The following PDE3A variants were observed in gnomAD, a reference collection of about 807,000 sequenced individuals.
PDE3A encodes cGMP-inhibited 3',5'-cyclic phosphodiesterase 3A.
PDE3A carries 43 observed loss-of-function variants against 98.3 expected under a neutral mutation model. The observed-to-expected ratio is 0.44, with a 90% CI of 0.34 to 0.56. The LOEUF is 0.56. PDE3A is among the 20% of genes least tolerant of loss of function. The pLI, the probability that PDE3A is intolerant of heterozygous loss-of-function variation, is 0.01. For synonymous variants in PDE3A, 663 were observed against 567.9 expected, an observed-to-expected ratio of 1.17 and a Z score of -2.38; for missense variants, 1,427 against 1,440.7, an observed-to-expected ratio of 0.99 and a Z score of 0.15.
chr12:20,579,322 G>A (rs773949173), intron 2 of PDE3A, among the ~76,000 whole-genome samples: 34 of 152,108 alleles, frequency 2.2e-4, no homozygotes, highest in South Asian at 6.2e-4. Context: ...TTTTAGCTCA[G>A]TGCCCTTCCC....
At position 20,684,238 on chromosome 12, in the gene PDE3A, C is replaced by T. The variant is rs538244119; in HGVS notation, c.*3967C>T. 6.6e-6 allele frequency: 1 copy of T among 152,182 alleles called. No individual in the cohort carries two copies. The highest frequency in any genetic ancestry group is 2.1e-4 in the South Asian group (1 of 4,818). 9.4% of individuals were successfully genotyped at this position (152,182 alleles called of 1,614,324 possible). A position where few individuals can be genotyped will look rare whatever the true frequency, so the allele number is the denominator to read the frequency against. On this transcript the variant is annotated 3_prime_UTR_variant, in exon 16 of 16. Transcript: ENST00000359062. ...TCAGTATCGGGCTCTCCATTGTCCT[C>T]ATCATTTATAGTACTTCTAAAATAA...
intron 1 of PDE3A, among the ~76,000 whole-genome samples, chr12:20,477,858 G>T (rs1945556471): frequency 6.6e-6 from 1 of 152,106 alleles, no homozygotes; most frequent in African/African-American, 2.4e-5. Flanking sequence ...AACAAAGAAT[G>T]GTGCTTGAAA....
At chr12:20,455,987 T>C (rs901282439) in intron 1 of PDE3A, among the ~76,000 whole-genome samples, 1 of 152,136 alleles carries the variant, frequency 6.6e-6, no homozygotes, top group Non-Finnish European at 1.5e-5. Context: ...CCACAATAGA[T>C]GGTATTTTTC....
intron 1 of PDE3A, among the ~76,000 whole-genome samples, chr12:20,526,361 A>G (rs1007143778): frequency 3.9e-5 from 6 of 152,212 alleles, no homozygotes; most frequent in Non-Finnish European, 7.3e-5. Flanking sequence ...AGATTGCATT[A>G]TATCATTTTG....
rs1321829099 is a variant in PDE3A at position 20,369,552 on chromosome 12, G to A, written c.268G>A (p.Glu90Lys). ...CCGCGGGGAGGTCGGCTGTGACCTGGAGCAGTGTAAGGAGGCGGCGGCGGC... is the reference window on the plus strand; with the variant it reads ...CCGCGGGGAGGTCGGCTGTGACCTGAAGCAGTGTAAGGAGGCGGCGGCGGC... ...LVRGEVGCDLEQCKEAAAAEE... is the reference protein window; with the variant it reads ...LVRGEVGCDLKQCKEAAAAEE... The change falls in exon 1 of 16, where the codon GAG (glutamate) becomes AAG (lysine). Residue 90 changes from glutamate (E) to lysine (K), a missense_variant. Coordinates refer to ENST00000359062, the MANE Select transcript of PDE3A (RefSeq NM_000921.5). 1.9e-6 allele frequency: 3 copies of A among 1,559,294 alleles called. No homozygotes were observed. The highest frequency in any genetic ancestry group is 2.4e-5 in the East Asian group (1 of 42,068).
intron 1 of PDE3A, among the ~76,000 whole-genome samples, chr12:20,501,371 A>G (rs571978305): frequency 4.1e-4 from 63 of 152,280 alleles, no homozygotes; most frequent in Middle Eastern, 3.4e-3. Flanking sequence ...GATTTTTTTT[A>G]TTGCCTGAAA....
rs532719475 is a variant in PDE3A, at chr12:20,514,733, G to T, written c.961-41927G>T. Among the ~76,000 whole-genome samples, 3 of 152,324 alleles carry T rather than the reference G, an allele frequency of 2.0e-5. No homozygotes were observed. The South Asian group carries it at 6.2e-4, about 32-fold the overall frequency. ...ATGCTAGAAAAAGTTGAGAGACAGT[G>T]AAGCATAATAGAAAGCACATGGTTT... On this transcript the variant is annotated intron_variant, in intron 1 of 15. Coordinates refer to ENST00000359062, the MANE Select transcript of PDE3A (RefSeq NM_000921.5).
intron 8 of PDE3A, 141 bp downstream of exon 8, chr12:20,635,197 G>A: frequency 1.5e-6 from 1 of 673,068 alleles, no homozygotes; most frequent in Middle Eastern, 2.8e-4. Flanking sequence ...GAAGCGGGCA[G>A]ATCACGAGGT....
chr12:20,664,579 A>G (rs937391109), intron 15 of PDE3A, among the ~76,000 whole-genome samples: 4 of 152,186 alleles, frequency 2.6e-5, no homozygotes, highest in African/African-American at 7.2e-5. Context: ...AATGGGAGAC[A>G]CTTGAATCAT....
intron 1 of PDE3A, among the ~76,000 whole-genome samples, chr12:20,412,836 C>T (rs1838447): frequency 0.62 from 93,869 of 151,994 alleles, 30,765 homozygotes; most frequent in East Asian, 0.89. Flanking sequence ...ACCAGCTTGG[C>T]CTTAATTTCC....
intron 1 of PDE3A, among the ~76,000 whole-genome samples, chr12:20,376,596 A>G (rs1442176395): frequency 6.6e-6 from 1 of 152,002 alleles, no homozygotes; most frequent in African/African-American, 2.4e-5. Context: ...AAACAAAAGT[A>G]TTTAGCAGTG....
intron 1 of PDE3A, among the ~76,000 whole-genome samples, chr12:20,386,144 T>TATATATAAAA (rs1943785786): frequency 1.5e-4 from 4 of 26,504 alleles, no homozygotes; most frequent in Non-Finnish European, 2.0e-4. Context: ...TATATATAAA[T>TATATATAAAA]ATATATATAA....
intron 1 of PDE3A, among the ~76,000 whole-genome samples, chr12:20,397,842 A>C (rs770965548): frequency 6.6e-6 from 1 of 152,154 alleles, no homozygotes; most frequent in Non-Finnish European, 1.5e-5. Flanking sequence ...GATGCTAACA[A>C]AACTAATTAT....
intron 2 of PDE3A, among the ~76,000 whole-genome samples, 169 bp from the exon 3 acceptor site, chr12:20,613,274 A>T (rs1455969180): frequency 6.6e-6 from 1 of 152,208 alleles, no homozygotes; most frequent in Non-Finnish European, 1.5e-5. Context: ...AAAGGGTGGC[A>T]GCTAGGGCAC....
chr12:20,490,875 C>T (rs963172285), intron 1 of PDE3A, among the ~76,000 whole-genome samples: 4 of 151,972 alleles, frequency 2.6e-5, no homozygotes, highest in African/African-American at 9.7e-5. Flanking sequence ...ATTTGGGAGG[C>T]CCAGGATCAC....
rs1945980204 is a variant in PDE3A, at chr12:20,686,914, CT to C, written c.*6644del. Among the ~76,000 whole-genome samples, 1 of 152,058 alleles carries C rather than the reference CT, an allele frequency of 6.6e-6. No individual in the cohort carries two copies. Among genetic ancestry groups the C allele is most frequent in the African/African-American group, 2.4e-5 (1 of 41,412 alleles). ...ATTTGCAGGGTATCCCAGGACACCC[CT>C]CAGTCTTTAATACAAACCAATTTAG... On this transcript the variant is annotated 3_prime_UTR_variant, in exon 16 of 16. Transcript: ENST00000359062.
At chr12:20,377,872 A>G (rs1394995384) in intron 1 of PDE3A, among the ~76,000 whole-genome samples, 1 of 151,698 alleles carries the variant, frequency 6.6e-6, no homozygotes, top group Non-Finnish European at 1.5e-5. Context: ...TGTAACAGGG[A>G]TTGCTTATGG....
intron 1 of PDE3A, among the ~76,000 whole-genome samples, chr12:20,436,752 G>GAGAGCA: frequency 1.3e-5 from 2 of 152,286 alleles, no homozygotes; most frequent in Middle Eastern, 6.8e-3. Context: ...GAGGGGAATT[G>GAGAGCA]AGAGCAAGGG....
At chr12:20,526,239 C>A (rs1185072274) in intron 1 of PDE3A, among the ~76,000 whole-genome samples, 1 of 152,066 alleles carries the variant, frequency 6.6e-6, no homozygotes, top group Admixed American at 6.5e-5. Flanking sequence ...TTATTTTTCT[C>A]TCTATTGATA....
Sources: allele counts gnomAD v4.1 joint callset (sites outside exome capture counted in the v4.1 genomes callset), GRCh38; gene constraint gnomAD v4.1.1; transcripts MANE v1.5; gene names NCBI Gene and HGNC (gene_info 2026-07-23, HGNC 2026-07-21).